The following AGO4 variants were observed in gnomAD, a reference collection of about 807,000 sequenced individuals.
AGO4 encodes the protein protein argonaute-4.
Under a neutral mutation model 104.7 loss-of-function variants are expected in AGO4, and 33 were observed. The observed-to-expected ratio is 0.32, with a 90% CI of 0.24 to 0.42. AGO4 has a LOEUF of 0.42. AGO4 is among the 10% of genes least tolerant of loss of function. AGO4 has a pLI of 1.00. For missense variants in AGO4, 711 were observed against 1,083.4 expected (o/e 0.66, Z 4.83); for synonymous variants, 331 against 364.7 (o/e 0.91, Z 1.05).
chr1:35,816,970 G>C lies in AGO4; in HGVS notation c.108G>C (p.Gln36His). 4.3e-6 allele frequency: 7 copies of C among 1,614,038 alleles called. No homozygotes were observed. Among genetic ancestry groups the C allele is most frequent in the Non-Finnish European group, 5.1e-6 (6 of 1,179,974 alleles). The change falls in exon 2 of 18, where the codon CAG (glutamine) becomes CAC (histidine). Residue 36 changes from glutamine to histidine, a missense_variant. This residue lies in a region of AGO4 where 308 missense variants were observed against 397.8 expected (regional missense o/e 0.77). Transcript: ENST00000373210. Reference protein sequence around the residue: ...KPIRLLANHFQVQIPKIDVYH... With the variant: ...KPIRLLANHFHVQIPKIDVYH... ...TTCGACTGTTAGCCAATCATTTTCAGGTTCAGATTCCTAAAATAGATGTGT... is the reference window on the plus strand; with the variant it reads ...TTCGACTGTTAGCCAATCATTTTCACGTTCAGATTCCTAAAATAGATGTGT...
chr1:35,841,261 T>C lies in AGO4; in HGVS notation c.1821T>C (p.Val607=). 6.2e-7 allele frequency: 1 copy of C among 1,614,132 alleles called. No homozygotes were observed. Among genetic ancestry groups the C allele is most frequent in the African/African-American group, 1.3e-5 (1 of 75,040 alleles). ...AGAAACCTTCCATTGCTGCTGTGGT[T>C]GGCAGTATGGATGGCCACCCCAGCC... ...DGKKPSIAAV[V]GSMDGHPSRY... is the part of the protein sequence containing the mutation. The change falls in exon 14 of 18, where the codon GTT becomes GTC. Residue 607 remains valine, a synonymous_variant. Transcript: ENST00000373210. This position sits in a 1 kb window ranked among gnomAD's most constrained non-coding sequence, Gnocchi z 4.7.
At chr1:35,810,468 G>T (rs1643465312) in intron 1 of AGO4, among the ~76,000 whole-genome samples, 1 of 152,046 alleles carries the variant, frequency 6.6e-6, no homozygotes, top group Non-Finnish European at 1.5e-5. Flanking sequence ...CTGCAACCTA[G>T]TTCAGTTTCT....
Position 35,841,678 on chromosome 1 carries a change from G to C in AGO4, c.2103G>C (p.Arg701=), listed in dbSNP as rs1203031332. Residue 701 remains arginine, a synonymous_variant, in exon 15 of 18, where the codon CGG becomes CGC. Transcript: ENST00000373210. The surrounding 1 kb of genome is among the most constrained non-coding windows in gnomAD (Gnocchi z 4.7). ...GTATTAGCTTGGAAGAAGATTACCGGCCAGGAATAACTTATATTGTGGTGC... is the reference window on the plus strand; with the variant it reads ...GTATTAGCTTGGAAGAAGATTACCGCCCAGGAATAACTTATATTGTGGTGC... ...KACISLEEDY[R]PGITYIVVQK... is the part of the protein sequence containing the mutation. 3 of 1,613,882 alleles carry C rather than the reference G, an allele frequency of 1.9e-6. No individual in the cohort carries two copies. The African/African-American group carries it at 4.0e-5, about 22-fold the overall frequency.
At position 35,822,854 on chromosome 1, in the gene AGO4, C is replaced by T. The variant is rs1194585198; in HGVS notation, c.186-8C>T. ...AAGCTAACTGCCATTATCTCCATTA[C>T]TGTGAAGGGAGGTAGTAGATACAAT... is the stretch of plus-strand genomic sequence containing the variant. On this transcript the variant is annotated splice_polypyrimidine_tract_variant and splice_region_variant and intron_variant, in intron 2 of 17. Coordinates refer to ENST00000373210, the MANE Select transcript of AGO4 (RefSeq NM_017629.4). 2 of 1,613,750 alleles carry T rather than the reference C, an allele frequency of 1.2e-6. No individual in the cohort carries two copies. The highest frequency in any genetic ancestry group is 3.3e-5 in the Admixed American group (2 of 59,982).
intron 7 of AGO4, among the ~76,000 whole-genome samples, chr1:35,830,943 G>C (rs1557564434): frequency 1.4e-5 from 2 of 146,422 alleles, no homozygotes; most frequent in South Asian, 4.3e-4. Flanking sequence ...CTGCACTCCC[G>C]CCTGGGCAAC....
At chr1:35,834,407 G>C (rs1644256801) in intron 12 of AGO4, among the ~76,000 whole-genome samples, 1 of 152,166 alleles carries the variant, frequency 6.6e-6, no homozygotes, top group Admixed American at 6.5e-5. Context: ...CTGCTATTTG[G>C]AATGTTGCTG....
At chr1:35,813,135 C>T (rs201896114) in intron 1 of AGO4, among the ~76,000 whole-genome samples, 3 of 152,108 alleles carry the variant, frequency 2.0e-5, no homozygotes, top group Admixed American at 6.5e-5. Flanking sequence ...GTGGGCCGGG[C>T]GCAGTGGCTC....
chr1:35,817,653 C>G (rs1303042394), intron 2 of AGO4, among the ~76,000 whole-genome samples: 2 of 152,092 alleles, frequency 1.3e-5, no homozygotes, highest in African/African-American at 4.8e-5. Context: ...GAGTATACAT[C>G]CACTTTTGTT....
At chr1:35,817,903 A>T (rs768371223) in intron 2 of AGO4, among the ~76,000 whole-genome samples, 5 of 152,206 alleles carry the variant, frequency 3.3e-5, no homozygotes, top group Non-Finnish European at 5.9e-5. Flanking sequence ...CCATCCAACG[A>T]ATATTTTATT....
chr1:35,828,476 A>G (rs1644090040), intron 7 of AGO4, among the ~76,000 whole-genome samples: 1 of 151,344 alleles, frequency 6.6e-6, no homozygotes, highest in African/African-American at 2.4e-5. Flanking sequence ...CTCCAGCAGC[A>G]TACTCCTTTC....
In AGO4 at chr1:35,850,967, C is replaced by T. The variant is rs1364125440; in HGVS notation, c.2391C>T (p.Arg797=). 1 of 1,614,016 alleles carries T rather than the reference C, an allele frequency of 6.2e-7. No homozygotes were observed. The highest frequency in any genetic ancestry group is 2.2e-5 in the East Asian group (1 of 44,896). The change falls in exon 17 of 18, where the codon CGC becomes CGT. Residue 797 remains arginine (R), a synonymous_variant. Transcript: ENST00000373210. ...QLCHTYVRCT[R]SVSIPAPAYY... is the part of the protein sequence containing the mutation. The stretch of plus-strand genomic sequence containing the variant: ...GTCACACCTATGTGAGGTGCACTCG[C>T]TCAGTCTCTATTCCAGCCCCTGCAT...
chr1:35,810,163 A>G (rs975387755), intron 1 of AGO4, among the ~76,000 whole-genome samples: 3 of 152,198 alleles, frequency 2.0e-5, no homozygotes, highest in East Asian at 1.9e-4. Flanking sequence ...AAAATGTCAC[A>G]TGGATCTTTT....
At position 35,834,139 on chromosome 1, in the gene AGO4, T is replaced by C. The variant is rs756997297; in HGVS notation, c.1529T>C (p.Ile510Thr). 1 of 1,607,186 alleles carries C rather than the reference T, an allele frequency of 6.2e-7. No individual in the cohort carries two copies. Among genetic ancestry groups the C allele is most frequent in the East Asian group, 2.3e-5 (1 of 44,414 alleles). ...LKMTYVGLQL[I>T]VVILPGKTPV... ...ATGACTTATGTGGGCCTACAGCTAA[T>C]AGTGGTTATCCTGCCTGGAAAGACA... The change falls in exon 12 of 18, where the codon ATA becomes ACA. Residue 510 changes from isoleucine to threonine, a missense_variant. Transcript: ENST00000373210.
intron 2 of AGO4, among the ~76,000 whole-genome samples, chr1:35,817,411 G>GTA (rs35774770): frequency 0.22 from 32,768 of 149,108 alleles, 3,629 homozygotes; most frequent in Non-Finnish European, 0.26. Flanking sequence ...TGAGAAAGAT[G>GTA]TATATATATA....
In AGO4 at chr1:35,853,420, G is replaced by GT. The variant is rs1289306724; in HGVS notation, c.2478-70dup. The GT allele has an allele frequency of 1.3e-4, 171 of 1,353,000 alleles. 4 individuals carry two copies. In the East Asian group the frequency reaches 3.2e-3, roughly 25 times the overall value. 83.8% of individuals were successfully genotyped at this position (1,353,000 alleles called of 1,614,324 possible). ...TGGTCTTCTGTTACACCTGTTTTTT[G>GT]TTTTTTTGTTGTTGTTGTTTTTGGT... On this transcript the variant is annotated intron_variant, in intron 17 of 17. Transcript: ENST00000373210.
Position 35,831,794 on chromosome 1 carries a change from C to G in AGO4, c.997-18C>G. On this transcript the variant is annotated intron_variant, in intron 8 of 17. Coordinates refer to ENST00000373210, the MANE Select transcript of AGO4 (RefSeq NM_017629.4). The stretch of plus-strand genomic sequence containing the variant: ...TGGAACCCTTTACACAAACCAATTT[C>G]TCTTTGTCTCTTGGCAGGTCTGTAA... 6.2e-7 allele frequency: 1 copy of G among 1,613,808 alleles called. No individual in the cohort carries two copies.
Position 35,849,850 on chromosome 1 carries a change from C to G in AGO4, c.2176-307C>G, listed in dbSNP as rs529223834. Among the ~76,000 whole-genome samples, 15 of 151,916 alleles carry G rather than the reference C, an allele frequency of 9.9e-5. 1 individual carries two copies. Among genetic ancestry groups the G allele is most frequent in the African/African-American group, 3.6e-4 (15 of 41,430 alleles). ...ATCTTAAATGTTAAATGTTTTTTCC[C>G]TTTGTGAACATACCACTGTGTCATC... On this transcript the variant is annotated intron_variant, in intron 15 of 17. Coordinates refer to ENST00000373210, the MANE Select transcript of AGO4 (RefSeq NM_017629.4).
intron 11 of AGO4, among the ~76,000 whole-genome samples, 184 bp downstream of exon 11, chr1:35,832,754 A>G (rs1474152857): frequency 6.6e-6 from 1 of 152,136 alleles, no homozygotes; most frequent in East Asian, 1.9e-4. Context: ...TAAGAATCTG[A>G]CTCAGCTTCC....
At chr1:35,814,430 T>C (rs1643621872) in intron 1 of AGO4, among the ~76,000 whole-genome samples, 1 of 151,956 alleles carries the variant, frequency 6.6e-6, no homozygotes, top group African/African-American at 2.4e-5. Context: ...ACATTAGGTA[T>C]ATCTCCTAAT....
Sources: allele counts gnomAD v4.1 joint callset (sites outside exome capture counted in the v4.1 genomes callset), GRCh38; gene constraint gnomAD v4.1.1; regional missense constraint gnomAD v4.1.1; non-coding constraint Gnocchi (gnomAD v3.1); transcripts MANE v1.5; gene names NCBI Gene and HGNC (gene_info 2026-07-23, HGNC 2026-07-21).